Variants in RAD52 observed in about 807,000 individuals in gnomAD.
The protein encoded by RAD52 is DNA repair protein RAD52 homolog.
RAD52 carries 47 observed loss-of-function variants against 55.5 expected under a neutral mutation model. The ratio of observed to expected loss-of-function variants is 0.85; its 90% CI spans 0.67 to 1.08. RAD52 has a LOEUF of 1.08. RAD52 is among the 50% of genes least tolerant of loss of function. The probability of loss-of-function intolerance (pLI) is 0.00; values close to 1 mark genes in which losing one functional copy is unlikely to be tolerated. For synonymous variants in RAD52, 184 were observed against 198.9 expected, an observed-to-expected ratio of 0.92 and a Z score of 0.63; for missense variants, 468 against 522.8, an observed-to-expected ratio of 0.90 and a Z score of 1.02.
intron 9 of RAD52, among the ~76,000 whole-genome samples, chr12:915,631 A>G (rs1337182001): frequency 6.6e-6 from 1 of 152,226 alleles, no homozygotes; most frequent in Non-Finnish European, 1.5e-5. Context: ...AAGTTGATAA[A>G]TAATCTGCCA....
At chr12:935,534 C>T (rs1389105337) in intron 1 of RAD52, among the ~76,000 whole-genome samples, 1 of 151,880 alleles carries the variant, frequency 6.6e-6, no homozygotes, top group East Asian at 2.0e-4. Flanking sequence ...GTGTGCGCCA[C>T]CATGCCCGGC....
At chr12:972,210 G>A (rs1565710358) in intron 1 of RAD52, among the ~76,000 whole-genome samples, 1 of 152,136 alleles carries the variant, frequency 6.6e-6, no homozygotes, top group African/African-American at 2.4e-5. Context: ...ATACAAGAAA[G>A]TCTTCTCTCA....
rs765079400 is a variant in RAD52 at position 930,100 on chromosome 12, C to A, written c.231G>T (p.Glu77Asp). 3 of 1,614,130 alleles carry A rather than the reference C, an allele frequency of 1.9e-6. No homozygotes were observed. In the South Asian group the frequency reaches 3.3e-5, roughly 18 times the overall value. The part of the protein sequence containing the change: ...EGHRVINLAN[E>D]MFGYNGWAHS... The stretch of plus-strand genomic sequence containing the variant: ...GTGCCCAGCCATTGTAACCAAACAT[C>A]TCATTGGCCAGATTAATTACCCGAT... The change falls in exon 4 of 12, where the codon GAG becomes GAT. Residue 77 changes from glutamate (E) to aspartate (D), a missense_variant. Transcript: ENST00000358495.
intron 6 of RAD52, chr12:926,646 G>T: frequency 1.2e-6 from 1 of 817,440 alleles, no homozygotes; most frequent in Non-Finnish European, 1.8e-6. Flanking sequence ...GTGGATGCTG[G>T]CACCAGGCTT....
intron 1 of RAD52, among the ~76,000 whole-genome samples, chr12:939,052 T>TGTG (rs1957778846): frequency 1.4e-5 from 2 of 141,050 alleles, no homozygotes; most frequent in African/African-American, 5.3e-5. Context: ...ATTCAACTAA[T>TGTG]TGTGTGTGTG....
chr12:971,461 G>C (rs545492214), intron 1 of RAD52, among the ~76,000 whole-genome samples: 1 of 152,110 alleles, frequency 6.6e-6, no homozygotes, highest in Admixed American at 6.6e-5. Context: ...TGTGCAGAGC[G>C]GGGTTAGTAA....
intron 10 of RAD52, 121 bp downstream of exon 10, chr12:914,310 T>C: frequency 7.0e-7 from 1 of 1,431,336 alleles, no homozygotes; most frequent in East Asian, 2.5e-5. Flanking sequence ...ACATATGCTA[T>C]CAGCCAGAAC....
At chr12:943,924 G>C (rs1958054079) in intron 1 of RAD52, among the ~76,000 whole-genome samples, 1 of 151,974 alleles carries the variant, frequency 6.6e-6, no homozygotes, top group East Asian at 1.9e-4. Context: ...AAATAGGTCT[G>C]GGCGGGGCCC....
chr12:935,380 CTTTTTTT>C (rs34383735), intron 1 of RAD52, among the ~76,000 whole-genome samples: 2 of 128,500 alleles, frequency 1.6e-5, no homozygotes, highest in East Asian at 4.5e-4. Flanking sequence ...ACCTGTGAAT[CTTTTTTT>C]TTTTTTTTTT....
chr12:990,836 C>A (rs1458436773), upstream of RAD52, among the ~76,000 whole-genome samples: 5 of 151,768 alleles, frequency 3.3e-5, no homozygotes, highest in African/African-American at 4.8e-5. Flanking sequence ...GCTCCTCGGG[C>A]TTCCAGCGTC....
chr12:974,938 C>T (rs1341716029), intron 1 of RAD52: 3 of 152,136 alleles, frequency 2.0e-5, no homozygotes, highest in African/African-American at 7.2e-5. Context: ...TACAGTAGTC[C>T]CCTGCCTTAT....
rs1480169061 is a variant in RAD52, at chr12:914,500, T to A, written c.898A>T (p.Thr300Ser). The A allele has an allele frequency of 1.9e-6, 3 of 1,613,426 alleles. No individual in the cohort carries two copies. The Admixed American group carries it at 5.0e-5, about 27-fold the overall frequency. The stretch of plus-strand genomic sequence containing the variant: ...AGTGGTTCTGAGACAGTTACAGGAG[T>A]GCTGTGCGTCACAGGAGGGGCCGGA... The part of the protein sequence containing the change: ...APPAPPVTHS[T>S]PVTVSEPLLE... Residue 300 changes from threonine to serine, a missense_variant, in exon 10 of 12, where the codon ACT (threonine) becomes TCT (serine). Thr to Ser is a moderately conservative substitution (Grantham distance 58). Coordinates refer to ENST00000358495, the MANE Select transcript of RAD52 (RefSeq NM_134424.4).
chr12:915,689 A>G (rs1656016887), intron 9 of RAD52, among the ~76,000 whole-genome samples: 1 of 151,622 alleles, frequency 6.6e-6, no homozygotes, highest in Non-Finnish European at 1.5e-5. Context: ...ATTCGAAGAT[A>G]TCTCAGAAAC....
At chr12:926,658 C>T (rs1205421788) in intron 6 of RAD52, 9 of 943,182 alleles carry the variant, frequency 9.5e-6, no homozygotes, top group Non-Finnish European at 1.2e-5. Flanking sequence ...ACCAGGCTTC[C>T]AGTACAGTCC....
rs559435842 is a variant in RAD52 at position 918,595 on chromosome 12, A to C, written c.544-1775T>G. On this transcript the variant is annotated intron_variant, in intron 7 of 11. Coordinates refer to ENST00000358495, the MANE Select transcript of RAD52 (RefSeq NM_134424.4). ...TTTTATTTTTATTTTTATTTCGTAC[A>C]GACAGGGTCCCACTATGTTGTCCTG... Among the ~76,000 whole-genome samples, 3 of 152,158 alleles carry C rather than the reference A, an allele frequency of 2.0e-5. No individual in the cohort carries two copies. The East Asian group carries it at 5.8e-4, about 29-fold the overall frequency.
intron 3 of RAD52, among the ~76,000 whole-genome samples, chr12:930,587 T>C (rs1234797597): frequency 2.6e-5 from 4 of 151,720 alleles, no homozygotes; most frequent in Non-Finnish European, 5.9e-5. Flanking sequence ...GCAAATGATA[T>C]GCAATTATTA....
chr12:921,624 C>T (rs1269844285), intron 7 of RAD52, among the ~76,000 whole-genome samples: 2 of 151,918 alleles, frequency 1.3e-5, no homozygotes, highest in African/African-American at 4.8e-5. Flanking sequence ...TGTCGAGGCT[C>T]CAGGGAGCCA....
At chr12:990,483 C>G (rs1395244539), upstream of RAD52, 4 of 152,202 alleles carry the variant, frequency 2.6e-5, no homozygotes, top group Non-Finnish European at 5.9e-5. Flanking sequence ...AAACAGCTCC[C>G]GAAGCAGCGT....
At chr12:930,395 T>G (rs1218285959) in intron 3 of RAD52, among the ~76,000 whole-genome samples, 1 of 152,074 alleles carries the variant, frequency 6.6e-6, no homozygotes, top group African/African-American at 2.4e-5. Context: ...AAAATTTTTT[T>G]TTCAAGAAAA....
Sources: allele counts gnomAD v4.1 joint callset (sites outside exome capture counted in the v4.1 genomes callset), GRCh38; gene constraint gnomAD v4.1.1; transcripts MANE v1.5; gene names NCBI Gene and HGNC (gene_info 2026-07-23, HGNC 2026-07-21).